NCEH1: variants seen among roughly 807,000 people sequenced by gnomAD.
The protein encoded by NCEH1 is neutral cholesterol ester hydrolase 1, also known as 2-acetyl MAGE hydrolase.
A neutral mutation model predicts 25.4 loss-of-function variants in NCEH1; 9 were observed. That is an observed-to-expected ratio of 0.35 (90% CI 0.21 to 0.62). The LOEUF (loss-of-function observed/expected upper bound fraction) is 0.62, where lower values mean the gene tolerates loss of function less well. NCEH1 is among the 20% of genes least tolerant of loss of function. NCEH1 has a pLI of 0.72. For synonymous variants in NCEH1, 200 were observed against 199.8 expected (o/e 1.00, Z -0.01); for missense variants, 412 against 501.1 (o/e 0.82, Z 1.70).
chr3:172,644,889 G>A (rs927915977), intron 3 of NCEH1, among the ~76,000 whole-genome samples: 1 of 152,132 alleles, frequency 6.6e-6, no homozygotes, highest in Non-Finnish European at 1.5e-5. Flanking sequence ...ATTGATGATA[G>A]CTTTGGAGAG....
chr3:172,643,870 G>A (rs924274769), intron 3 of NCEH1, among the ~76,000 whole-genome samples: 5 of 152,198 alleles, frequency 3.3e-5, no homozygotes, highest in African/African-American at 1.2e-4. Context: ...ACACCGAGCT[G>A]TAGGGCCTTG....
At chr3:172,643,486 T>C (rs1017599593) in intron 3 of NCEH1, among the ~76,000 whole-genome samples, 1 of 152,230 alleles carries the variant, frequency 6.6e-6, no homozygotes, top group African/African-American at 2.4e-5. Flanking sequence ...CATATGCTCA[T>C]GCCTCCCATC....
intron 1 of NCEH1, among the ~76,000 whole-genome samples, chr3:172,681,671 C>T (rs1712383702): frequency 1.4e-5 from 2 of 147,382 alleles, no homozygotes; most frequent in Admixed American, 6.9e-5. Context: ...GGGAGCATCA[C>T]TTGAGGTCAG....
At chr3:172,694,469 C>T (rs1713251084) in intron 1 of NCEH1, among the ~76,000 whole-genome samples, 1 of 151,802 alleles carries the variant, frequency 6.6e-6, no homozygotes, top group Non-Finnish European at 1.5e-5. Flanking sequence ...TAACCTCCAC[C>T]TTGAATTTTA....
At chr3:172,657,761 T>C (rs189376077) in intron 1 of NCEH1, among the ~76,000 whole-genome samples, 22 of 152,316 alleles carry the variant, frequency 1.4e-4, no homozygotes, top group African/African-American at 4.8e-4. Flanking sequence ...CCACTCTACA[T>C]TGGAACCTCA....
chr3:172,689,073 A>T (rs1712871610), intron 1 of NCEH1, among the ~76,000 whole-genome samples: 1 of 151,998 alleles, frequency 6.6e-6, no homozygotes, highest in African/African-American at 2.4e-5. Context: ...CTCCTTGACT[A>T]CCCTTAGCGG....
intron 1 of NCEH1, among the ~76,000 whole-genome samples, chr3:172,690,596 A>C (rs1373426798): frequency 1.3e-5 from 2 of 152,208 alleles, no homozygotes; most frequent in Non-Finnish European, 2.9e-5. Context: ...AATCCTAAGA[A>C]ACAGATTATA....
intron 4 of NCEH1, among the ~76,000 whole-genome samples, chr3:172,635,711 T>C (rs1716568211): frequency 6.6e-6 from 1 of 152,130 alleles, no homozygotes; most frequent in South Asian, 2.1e-4. Flanking sequence ...CAAAGACTCA[T>C]AGGTGATACT....
intron 3 of NCEH1, among the ~76,000 whole-genome samples, chr3:172,639,159 G>A (rs1414425632): frequency 6.6e-6 from 1 of 152,080 alleles, no homozygotes; most frequent in Non-Finnish European, 1.5e-5. Flanking sequence ...ATTGCTGGGT[G>A]TGGTGGCATG....
At chr3:172,653,735 G>GTTTTTTTTTTTTTTTTTTT (rs1553830302) in intron 1 of NCEH1, among the ~76,000 whole-genome samples, 9 of 71,016 alleles carry the variant, frequency 1.3e-4, no homozygotes, top group African/African-American at 4.6e-4. Context: ...TTGTTGTTCT[G>GTTTTTTTTTTTTTTTTTTT]TTTTTTTTGT....
chr3:172,651,332 TATG>T (rs1265255351), intron 1 of NCEH1, among the ~76,000 whole-genome samples: 10 of 152,334 alleles, frequency 6.6e-5, no homozygotes, highest in African/African-American at 2.4e-4. Context: ...TGCATGTCTA[TATG>T]ATATCAATGA....
At chr3:172,707,217 CT>C (rs1188409413) in intron 1 of NCEH1, among the ~76,000 whole-genome samples, 2 of 149,408 alleles carry the variant, frequency 1.3e-5, no homozygotes, top group Non-Finnish European at 2.9e-5. Context: ...GCCTTCAGGA[CT>C]TCCCCAAACT....
intron 2 of NCEH1, among the ~76,000 whole-genome samples, chr3:172,646,591 A>C (rs996968282): frequency 1.1e-4 from 16 of 152,192 alleles, no homozygotes; most frequent in Admixed American, 1.0e-3. Context: ...TATTGTGCCA[A>C]CTGAGAGCCA....
chr3:172,691,732 G>A (rs1381237597), intron 1 of NCEH1, among the ~76,000 whole-genome samples: 2 of 152,274 alleles, frequency 1.3e-5, no homozygotes, highest in African/African-American at 4.8e-5. Flanking sequence ...GGCGGATCAT[G>A]AGGTCAGGAG....
At chr3:172,656,440 T>C (rs1418864247) in intron 1 of NCEH1, among the ~76,000 whole-genome samples, 1 of 152,154 alleles carries the variant, frequency 6.6e-6, no homozygotes. Context: ...TTGATTTCTG[T>C]GGATGTCAGT....
Position 172,665,868 on chromosome 3 carries a change from G to A in NCEH1, c.139-17754C>T, listed in dbSNP as rs575740089. 3.6e-4 allele frequency among the ~76,000 whole-genome samples: 55 copies of A among 152,304 alleles called. No individual in the cohort carries two copies. The Middle Eastern group carries it at 0.01, about 28-fold the overall frequency. ...CACAGTATTAGGGTGGGAATGTCCC[G>A]ATTTTCCAGGTACCATCTGTCACAG... On this transcript the variant is annotated intron_variant, in intron 1 of 4. Coordinates refer to ENST00000475381, the MANE Select transcript of NCEH1 (RefSeq NM_020792.6).
At chr3:172,667,207 C>T (rs886952181) in intron 1 of NCEH1, among the ~76,000 whole-genome samples, 5 of 152,208 alleles carry the variant, frequency 3.3e-5, no homozygotes, top group Non-Finnish European at 5.9e-5. Context: ...GCAGGGAAAA[C>T]GGCCATTCGG....
intron 1 of NCEH1, among the ~76,000 whole-genome samples, chr3:172,679,284 A>G (rs1577079009): frequency 6.6e-6 from 1 of 152,262 alleles, no homozygotes; most frequent in East Asian, 1.9e-4. Flanking sequence ...CTCTAAGAAC[A>G]TGAAGTGTAT....
intron 1 of NCEH1, among the ~76,000 whole-genome samples, chr3:172,648,709 C>T (rs1302049248): frequency 6.6e-6 from 1 of 152,090 alleles, no homozygotes; most frequent in African/African-American, 2.4e-5. Context: ...GAGGCCCTGG[C>T]ATTTAGAAGC....
Sources: gnomAD v4.1 joint callset for allele counts (sites outside exome capture counted in the v4.1 genomes callset) on GRCh38, gnomAD v4.1.1 for gene constraint, MANE v1.5 for transcripts, NCBI Gene and HGNC (gene_info 2026-07-23, HGNC 2026-07-21) for gene names.